Variants in MCTP1 observed in about 807,000 individuals in gnomAD.
The protein encoded by MCTP1 is multiple C2 and transmembrane domain-containing protein 1.
Under a neutral mutation model 120.6 loss-of-function variants are expected in MCTP1, and 69 were observed. That is an observed-to-expected ratio of 0.57 (90% CI 0.47 to 0.70). The LOEUF (loss-of-function observed/expected upper bound fraction) is 0.70. Ranked by LOEUF, MCTP1 falls within the 30% of genes least tolerant of loss-of-function variation. The pLI is 0.00. For synonymous variants in MCTP1, 529 were observed against 493.1 expected (o/e 1.07, Z -0.96); for missense variants, 1,203 against 1,248.8 (o/e 0.96, Z 0.55).
chr5:95,130,886 G>A (rs975245526), intron 1 of MCTP1, among the ~76,000 whole-genome samples: 5 of 152,150 alleles, frequency 3.3e-5, no homozygotes, highest in African/African-American at 1.2e-4. Flanking sequence ...AATTGGCTAG[G>A]TGCAAGGAAT....
intron 17 of MCTP1, among the ~76,000 whole-genome samples, chr5:94,841,147 T>C (rs1475314298): frequency 5.9e-5 from 9 of 152,132 alleles, no homozygotes; most frequent in African/African-American, 2.2e-4. Context: ...CCCTTGTACT[T>C]CTAGGGTTGC....
intron 1 of MCTP1, among the ~76,000 whole-genome samples, chr5:95,206,956 T>C (rs561957025): frequency 4.6e-5 from 7 of 152,322 alleles, no homozygotes; most frequent in African/African-American, 1.7e-4. Context: ...ATTTGTTCAT[T>C]ATAGAAGTCA....
chr5:94,798,225 C>T (rs1561654565), intron 18 of MCTP1, among the ~76,000 whole-genome samples: 1 of 151,998 alleles, frequency 6.6e-6, no homozygotes, highest in Non-Finnish European at 1.5e-5. Flanking sequence ...TTGGAGAGGA[C>T]ACTCCCCTCA....
At chr5:95,259,328 GAAC>G (rs1000582860) in intron 1 of MCTP1, among the ~76,000 whole-genome samples, 2 of 152,144 alleles carry the variant, frequency 1.3e-5, no homozygotes, top group Non-Finnish European at 2.9e-5. Flanking sequence ...GACGAAAGGT[GAAC>G]ACCACCCTTG....
chr5:94,994,127 A>G (rs1186253059), intron 2 of MCTP1, among the ~76,000 whole-genome samples: 6 of 152,322 alleles, frequency 3.9e-5, no homozygotes, highest in East Asian at 3.9e-4. Context: ...AGAGCTCCCT[A>G]TGTCAAAGTC....
Position 94,708,575 on chromosome 5 carries a change from T to C in MCTP1, c.2865A>G (p.Pro955=). The C allele has an allele frequency of 6.2e-7, 1 of 1,611,370 alleles. No individual in the cohort carries two copies. Among genetic ancestry groups the C allele is most frequent in the Non-Finnish European group, 8.5e-7 (1 of 1,178,076 alleles). The change falls in exon 22 of 23, where the codon CCA becomes CCG. Residue 955 remains proline, a synonymous_variant. Transcript: ENST00000515393. Reference sequence around the variant, plus strand: ...GTAGTTCATTGTTATCAATTGCATATGGACTCCGAAGCTTTTTTGTAAATT... The same window carrying C: ...GTAGTTCATTGTTATCAATTGCATACGGACTCCGAAGCTTTTTTGTAAATT... ...INKFTKKLRS[P]YAIDNNELLD...
chr5:94,889,910 C>T (rs969099288), intron 11 of MCTP1, among the ~76,000 whole-genome samples: 2 of 152,162 alleles, frequency 1.3e-5, no homozygotes. Context: ...ATGTCTGCTT[C>T]CTTTTTCAAT....
chr5:95,077,763 C>A (rs985170882), intron 1 of MCTP1, among the ~76,000 whole-genome samples: 1 of 152,128 alleles, frequency 6.6e-6, no homozygotes, highest in Non-Finnish European at 1.5e-5. Context: ...TGAGCCACTG[C>A]GCCTGGCCAG....
At chr5:94,947,096 C>A (rs1379623490) in intron 3 of MCTP1, among the ~76,000 whole-genome samples, 3 of 152,128 alleles carry the variant, frequency 2.0e-5, no homozygotes, top group South Asian at 2.1e-4. Flanking sequence ...GCTTTTGTTG[C>A]CTAGGCATTT....
chr5:95,082,374 A>G (rs1755041173), intron 1 of MCTP1, among the ~76,000 whole-genome samples: 1 of 152,186 alleles, frequency 6.6e-6, no homozygotes, highest in Non-Finnish European at 1.5e-5. Flanking sequence ...AGCTTGATCA[A>G]ATATTGAATT....
intron 1 of MCTP1, chr5:95,154,392 T>C (rs1744863322): frequency 6.6e-6 from 1 of 151,690 alleles, no homozygotes; most frequent in South Asian, 2.1e-4. Flanking sequence ...AACATATTTC[T>C]ACTATATGTT....
At chr5:94,838,679 G>T (rs181295396) in intron 17 of MCTP1, among the ~76,000 whole-genome samples, 1 of 152,192 alleles carries the variant, frequency 6.6e-6, no homozygotes, top group South Asian at 2.1e-4. Context: ...ATCCAGCACC[G>T]TCTAGCCAGA....
At chr5:94,922,406 T>G (rs1319185836) in intron 7 of MCTP1, among the ~76,000 whole-genome samples, 4 of 152,160 alleles carry the variant, frequency 2.6e-5, no homozygotes, top group African/African-American at 7.2e-5. Flanking sequence ...CAATGACCAG[T>G]GTGCACATTT....
chr5:94,920,279 T>G (rs558777523), intron 7 of MCTP1, among the ~76,000 whole-genome samples: 344 of 151,886 alleles, frequency 2.3e-3, no homozygotes, highest in African/African-American at 8.0e-3. Flanking sequence ...CCTGTTTTTT[T>G]TTTTTTTTTT....
In MCTP1 at chr5:95,017,453, G is replaced by A. The variant is rs1227543551; in HGVS notation, c.752C>T (p.Ala251Val). 1.2e-6 allele frequency: 2 copies of A among 1,608,938 alleles called. No homozygotes were observed. The highest frequency in any genetic ancestry group is 1.1e-5 in the South Asian group (1 of 90,522). The change falls in exon 2 of 23, where the codon GCA (alanine) becomes GTA (valine). Residue 251 changes from alanine (A) to valine (V), a missense_variant. Physicochemically the swap from Ala to Val is moderately conservative, Grantham distance 64. This residue lies in a region of MCTP1 where 463 missense variants were observed against 377.8 expected (regional missense o/e 1.23). Coordinates refer to ENST00000515393, the MANE Select transcript of MCTP1 (RefSeq NM_024717.7). ...TCCGGGATCAGCCAAGGGGACTTCT[G>A]CATTACTGGTTCCAGCAGTGTTTAT... ...KIINTAGTSN[A>V]EVPLADPGMY... is the part of the protein sequence containing the mutation.
chr5:94,876,229 T>C (rs921071410), intron 12 of MCTP1, among the ~76,000 whole-genome samples: 35 of 152,156 alleles, frequency 2.3e-4, no homozygotes, highest in African/African-American at 8.0e-4. Context: ...ACAAAACCAA[T>C]CAGAGAAATA....
At chr5:95,118,801 A>T (rs1243585179) in intron 1 of MCTP1, among the ~76,000 whole-genome samples, 2 of 152,242 alleles carry the variant, frequency 1.3e-5, no homozygotes, top group Non-Finnish European at 2.9e-5. Flanking sequence ...AAATCACTAG[A>T]TAATGATAAA....
chr5:95,104,576 AGG>A (rs1411105441), intron 1 of MCTP1, among the ~76,000 whole-genome samples: 1 of 152,206 alleles, frequency 6.6e-6, no homozygotes, highest in Non-Finnish European at 1.5e-5. Flanking sequence ...GGTGGCACAT[AGG>A]ACCCTTCTTG....
chr5:94,828,227 G>T (rs1787679805), intron 17 of MCTP1, among the ~76,000 whole-genome samples: 1 of 152,166 alleles, frequency 6.6e-6, no homozygotes, highest in South Asian at 2.1e-4. Flanking sequence ...TCTTCTGCAG[G>T]TCTGCTGGAG....
Sources: allele counts gnomAD v4.1 joint callset (sites outside exome capture counted in the v4.1 genomes callset), GRCh38; gene constraint gnomAD v4.1.1; regional missense constraint gnomAD v4.1.1; transcripts MANE v1.5; gene names NCBI Gene and HGNC (gene_info 2026-07-23, HGNC 2026-07-21).